INPP5A: variants seen among roughly 807,000 people sequenced by gnomAD.
INPP5A encodes 43 kDa inositol polyphosphate 5-phophatase.
Under a neutral mutation model 65.2 loss-of-function variants are expected in INPP5A, and 14 were observed. The ratio of observed to expected loss-of-function variants is 0.21; its 90% confidence interval spans 0.14 to 0.34. The LOEUF (loss-of-function observed/expected upper bound fraction) is 0.34, where lower values mean the gene tolerates loss of function less well. INPP5A is among the 10% of genes least tolerant of loss of function. The pLI is 1.00. For missense variants in INPP5A, 431 were observed against 545.6 expected (o/e 0.79, Z 2.09); for synonymous variants, 207 against 208.3 (o/e 0.99, Z 0.05).
At chr10:132,618,550 A>G (rs928226491) in intron 2 of INPP5A, among the ~76,000 whole-genome samples, 2 of 152,218 alleles carry the variant, frequency 1.3e-5, no homozygotes, top group Non-Finnish European at 2.9e-5. Context: ...TGTGATAGGC[A>G]GTGTCTGTTT....
chr10:132,674,581 G>A lies in INPP5A; in HGVS notation c.307-15811G>A, dbSNP rs1306857812. Among the ~76,000 whole-genome samples the A allele has an allele frequency of 6.6e-6, 1 of 152,202 alleles. No homozygotes were observed. The highest frequency in any genetic ancestry group is 2.4e-5 in the African/African-American group (1 of 41,448). ...GAGAAGGGAGGGTGGCGGGAGTGGA[G>A]ACCATGGGCATTTGAGCCACGTCGT... On this transcript the variant is annotated intron_variant, in intron 4 of 15. Transcript: ENST00000368594. This position sits in a 1 kb window ranked among gnomAD's most constrained non-coding sequence, Gnocchi z 4.4.
intron 1 of INPP5A, among the ~76,000 whole-genome samples, chr10:132,577,670 A>T (rs559861783): frequency 1.3e-5 from 2 of 152,220 alleles, no homozygotes; most frequent in South Asian, 4.1e-4. Context: ...GACCCAAAGG[A>T]AGGACAGGAG....
intron 1 of INPP5A, among the ~76,000 whole-genome samples, chr10:132,605,716 A>T (rs1460660465): frequency 6.6e-6 from 1 of 151,968 alleles, no homozygotes; most frequent in East Asian, 1.9e-4. Flanking sequence ...TGGCCGTCAC[A>T]GTGGCCCCGA....
chr10:132,615,618 C>T (rs1361019122), intron 2 of INPP5A, among the ~76,000 whole-genome samples: 1 of 152,240 alleles, frequency 6.6e-6, no homozygotes, highest in African/African-American at 2.4e-5. Context: ...TGCATTTCTG[C>T]CCCTGGTGAA....
rs1466787090 is a variant in INPP5A, at chr10:132,782,535, A to C, written c.*506A>C. On this transcript the variant is annotated 3_prime_UTR_variant, in exon 16 of 16. Transcript: ENST00000368594. The surrounding 1 kb of genome is among the most constrained non-coding windows in gnomAD (Gnocchi z 4.4). ...TCTCTGCCGATGCTCCTTCCGCGGCACTGACTCTGCGCCGTGTCACATGGT... is the reference window on the plus strand; with the variant it reads ...TCTCTGCCGATGCTCCTTCCGCGGCCCTGACTCTGCGCCGTGTCACATGGT... 1.8e-5 allele frequency: 3 copies of C among 162,440 alleles called. No homozygotes were observed. The highest frequency in any genetic ancestry group is 2.7e-5 in the Non-Finnish European group (2 of 73,338). The allele number at this position is 162,440 out of a possible 1,614,324, so 10.1% of individuals were successfully genotyped here.
At chr10:132,584,873 T>C (rs1188505962) in intron 1 of INPP5A, among the ~76,000 whole-genome samples, 1 of 152,210 alleles carries the variant, frequency 6.6e-6, no homozygotes, top group African/African-American at 2.4e-5. Context: ...GATGGGACTA[T>C]AGGCACAAGC....
At chr10:132,718,268 T>A (rs540317638) in intron 8 of INPP5A, among the ~76,000 whole-genome samples, 7 of 143,630 alleles carry the variant, frequency 4.9e-5, no homozygotes, top group South Asian at 2.4e-4. Flanking sequence ...GGTTCTGTGG[T>A]ACCTGGGTTC....
Position 132,741,260 on chromosome 10 carries a change from A to T in INPP5A, c.733-8257A>T, listed in dbSNP as rs570515088. 2.6e-5 allele frequency among the ~76,000 whole-genome samples: 4 copies of T among 152,164 alleles called. No homozygotes were observed. Among genetic ancestry groups the T allele is most frequent in the African/African-American group, 9.6e-5 (4 of 41,534 alleles). On this transcript the variant is annotated intron_variant, in intron 9 of 15. Coordinates refer to ENST00000368594, the MANE Select transcript of INPP5A (RefSeq NM_005539.5). The surrounding 1 kb of genome is among the most constrained non-coding windows in gnomAD (Gnocchi z 4.4). ...CAAAAACCTAAAAATAGAGATAAATAAAAAAAGGGACACCGCCTGTCTTGG... is the reference window on the plus strand; with the variant it reads ...CAAAAACCTAAAAATAGAGATAAATTAAAAAAGGGACACCGCCTGTCTTGG...
In INPP5A at chr10:132,545,393, C is replaced by T. The variant is rs1319928257; in HGVS notation, c.75+7222C>T. On this transcript the variant is annotated intron_variant, in intron 1 of 15. Coordinates refer to ENST00000368594, the MANE Select transcript of INPP5A (RefSeq NM_005539.5). This position sits in a 1 kb window ranked among gnomAD's most constrained non-coding sequence, Gnocchi z 4.6. ...GGGGGCTGCCTACGGCAGGAGACGG[C>T]AGGTCTCTCTGAGCTGTGGGGCTCA... Among the ~76,000 whole-genome samples, 3 of 152,154 alleles carry T rather than the reference C, an allele frequency of 2.0e-5. No individual in the cohort carries two copies. Among genetic ancestry groups the T allele is most frequent in the Non-Finnish European group, 2.9e-5 (2 of 68,026 alleles).
intron 9 of INPP5A, among the ~76,000 whole-genome samples, chr10:132,742,748 A>T (rs2134621714): frequency 6.6e-6 from 1 of 152,286 alleles, no homozygotes. Flanking sequence ...TCCCTGGTGA[A>T]CCGGGGCCCT....
chr10:132,592,906 G>A (rs1420892002), intron 1 of INPP5A, among the ~76,000 whole-genome samples: 4 of 151,790 alleles, frequency 2.6e-5, no homozygotes, highest in African/African-American at 2.4e-5. Flanking sequence ...CAGGTCTCAC[G>A]CGGCTGCAGT....
intron 11 of INPP5A, among the ~76,000 whole-genome samples, chr10:132,751,778 CTGGA>C (rs931030005): frequency 1.4e-5 from 2 of 145,680 alleles, no homozygotes; most frequent in Non-Finnish European, 1.5e-5. Flanking sequence ...CAGGAGGTGT[CTGGA>C]TGGAGGCAGG....
At position 132,616,502 on chromosome 10, in the gene INPP5A, T is replaced by G. The variant is rs977011836; in HGVS notation, c.117+8546T>G. On this transcript the variant is annotated intron_variant, in intron 2 of 15. Transcript: ENST00000368594. The surrounding 1 kb of genome is among the most constrained non-coding windows in gnomAD (Gnocchi z 4.9). ...TAGAATGTGGTGCTGATGGATGTGG[T>G]GTGTGTGGGATGCTGTGGTCACATG... 1.3e-5 allele frequency among the ~76,000 whole-genome samples: 2 copies of G among 151,846 alleles called. No homozygotes were observed. Among genetic ancestry groups the G allele is most frequent in the African/African-American group, 4.8e-5 (2 of 41,300 alleles).
chr10:132,570,115 A>G (rs1017100905), intron 1 of INPP5A, among the ~76,000 whole-genome samples: 2 of 144,550 alleles, frequency 1.4e-5, no homozygotes, highest in African/African-American at 2.6e-5. Flanking sequence ...TGTTTTTTTT[A>G]ATTGAATTTT....
intron 2 of INPP5A, among the ~76,000 whole-genome samples, chr10:132,634,426 G>A (rs924389551): frequency 3.3e-5 from 5 of 152,228 alleles, no homozygotes; most frequent in Non-Finnish European, 7.3e-5. Context: ...CCGGAGAGGC[G>A]TGTCATCTCC....
intron 8 of INPP5A, among the ~76,000 whole-genome samples, chr10:132,719,616 C>A (rs908172490): frequency 6.9e-6 from 1 of 145,464 alleles, no homozygotes; most frequent in Non-Finnish European, 1.5e-5. Flanking sequence ...TTTCTGGAGG[C>A]GCCTTAGACA....
chr10:132,703,376 T>TG (rs1845468302), intron 6 of INPP5A, among the ~76,000 whole-genome samples: 1 of 152,064 alleles, frequency 6.6e-6, no homozygotes, highest in Non-Finnish European at 1.5e-5. Context: ...AGTTGGTTTC[T>TG]GGGGAACTGG....
chr10:132,590,298 A>C (rs2071603855), intron 1 of INPP5A, among the ~76,000 whole-genome samples: 1 of 151,538 alleles, frequency 6.6e-6, no homozygotes. Flanking sequence ...GTGGGGACTG[A>C]CAGTATCGTC....
chr10:132,758,416 C>T (rs1407173810), intron 11 of INPP5A, among the ~76,000 whole-genome samples: 2 of 150,544 alleles, frequency 1.3e-5, no homozygotes, highest in African/African-American at 4.9e-5. Flanking sequence ...CAACACAGTG[C>T]CGTGGTGTGG....
Sources: gnomAD v4.1 joint callset for allele counts (sites outside exome capture counted in the v4.1 genomes callset) on GRCh38, gnomAD v4.1.1 for gene constraint, Gnocchi (gnomAD v3.1) non-coding constraint, MANE v1.5 for transcripts, NCBI Gene and HGNC (gene_info 2026-07-23, HGNC 2026-07-21) for gene names.